Variants in MSRB3 observed in about 807,000 individuals in gnomAD.
MSRB3 encodes the protein methionine-R-sulfoxide reductase B3.
In MSRB3, 13 loss-of-function variants were observed where a neutral mutation model predicts 21.0. The observed-to-expected ratio is 0.62, with a 90% CI of 0.40 to 0.98. The LOEUF is 0.98. Among genes scored for constraint, MSRB3 ranks in the 50% least tolerant of loss-of-function variants. The pLI, the probability that MSRB3 is intolerant of heterozygous loss-of-function variation, is 0.00. For missense variants in MSRB3, 199 were observed against 230.3 expected, an observed-to-expected ratio of 0.86 and a Z score of 0.88; for synonymous variants, 87 against 88.6, an observed-to-expected ratio of 0.98 and a Z score of 0.10.
chr12:65,368,378 T>C (rs1592570979), intron 4 of MSRB3, among the ~76,000 whole-genome samples: 1 of 152,132 alleles, frequency 6.6e-6, no homozygotes, highest in South Asian at 2.1e-4. Context: ...AGTCATAGGG[T>C]TAATTCTGCT....
chr12:65,409,184 GTGTATA>G (rs2136620502), intron 5 of MSRB3, among the ~76,000 whole-genome samples: 1 of 151,578 alleles, frequency 6.6e-6, no homozygotes, highest in East Asian at 1.9e-4. Flanking sequence ...GTGTTTGTGT[GTGTATA>G]TACACACACA....
At chr12:65,332,836 C>A (rs1875519796) in intron 4 of MSRB3, among the ~76,000 whole-genome samples, 1 of 152,192 alleles carries the variant, frequency 6.6e-6, no homozygotes, top group Non-Finnish European at 1.5e-5. Flanking sequence ...CATTTCCTCT[C>A]TGAACAATAT....
intron 5 of MSRB3, among the ~76,000 whole-genome samples, chr12:65,396,032 C>G (rs1235128979): frequency 6.6e-6 from 1 of 151,384 alleles, no homozygotes; most frequent in Non-Finnish European, 1.5e-5. Context: ...TTTTTCTTTT[C>G]TTTTGCTTAC....
chr12:65,450,939 G>A (rs1033191322), intron 5 of MSRB3, among the ~76,000 whole-genome samples: 6 of 152,204 alleles, frequency 3.9e-5, no homozygotes, highest in Admixed American at 1.3e-4. Context: ...ATTACTGGGG[G>A]AAGGTCCTTC....
chr12:65,396,612 A>AC (rs1879794113), intron 5 of MSRB3, among the ~76,000 whole-genome samples: 1 of 151,454 alleles, frequency 6.6e-6, no homozygotes, highest in Non-Finnish European at 1.5e-5. Flanking sequence ...AATCACTTGA[A>AC]CCCGGGAAGC....
intron 5 of MSRB3, among the ~76,000 whole-genome samples, chr12:65,373,907 A>T (rs1400740196): frequency 6.6e-6 from 1 of 152,210 alleles, no homozygotes; most frequent in African/African-American, 2.4e-5. Flanking sequence ...TAAGGAAATC[A>T]AAGAACACAA....
intron 2 of MSRB3, among the ~76,000 whole-genome samples, chr12:65,325,993 C>G (rs1023025516): frequency 6.6e-6 from 1 of 152,144 alleles, no homozygotes; most frequent in Non-Finnish European, 1.5e-5. Context: ...ATTATTTCAC[C>G]ATTCAAATAC....
At chr12:65,364,545 T>C (rs1455850863) in intron 4 of MSRB3, among the ~76,000 whole-genome samples, 1 of 152,226 alleles carries the variant, frequency 6.6e-6, no homozygotes, top group African/African-American at 2.4e-5. Context: ...CCATCTAGCA[T>C]AGTATACTAC....
chr12:65,394,691 A>G (rs1879682473), intron 5 of MSRB3, among the ~76,000 whole-genome samples: 1 of 152,222 alleles, frequency 6.6e-6, no homozygotes, highest in African/African-American at 2.4e-5. Flanking sequence ...AAAATCCTTA[A>G]CAAAATACTA....
chr12:65,382,045 C>T (rs1044227068), intron 5 of MSRB3, among the ~76,000 whole-genome samples: 1 of 152,106 alleles, frequency 6.6e-6, no homozygotes, highest in East Asian at 1.9e-4. Context: ...TAATGTTTTG[C>T]CATTTCCAAC....
At chr12:65,400,260 G>T (rs969662473) in intron 5 of MSRB3, among the ~76,000 whole-genome samples, 15 of 151,292 alleles carry the variant, frequency 9.9e-5, no homozygotes, top group African/African-American at 3.4e-4. Context: ...TGGTTGGTAG[G>T]CTATTAATTA....
At chr12:65,345,325 G>A (rs549548975) in intron 4 of MSRB3, among the ~76,000 whole-genome samples, 40 of 152,136 alleles carry the variant, frequency 2.6e-4, no homozygotes, top group Admixed American at 2.6e-3. Flanking sequence ...TGAAAAAAAT[G>A]AGTGTCATTG....
At chr12:65,431,690 T>G (rs372570024) in intron 5 of MSRB3, among the ~76,000 whole-genome samples, 10 of 152,032 alleles carry the variant, frequency 6.6e-5, no homozygotes, top group African/African-American at 2.2e-4. Flanking sequence ...TCCTGGGAAG[T>G]GAACATGATA....
intron 5 of MSRB3, among the ~76,000 whole-genome samples, chr12:65,396,240 C>G (rs557677530): frequency 1.3e-5 from 2 of 152,198 alleles, no homozygotes; most frequent in Non-Finnish European, 2.9e-5. Flanking sequence ...ACTTCTCTTG[C>G]ATTTTCTTCT....
chr12:65,300,891 A>G (rs1375641470), intron 1 of MSRB3, among the ~76,000 whole-genome samples: 1 of 152,138 alleles, frequency 6.6e-6, no homozygotes, highest in Non-Finnish European at 1.5e-5. Context: ...AATACACATA[A>G]TCATTTCTGC....
chr12:65,380,850 A>G (rs1878902190), intron 5 of MSRB3, among the ~76,000 whole-genome samples: 1 of 152,216 alleles, frequency 6.6e-6, no homozygotes, highest in African/African-American at 2.4e-5. Flanking sequence ...CCGATTCGAG[A>G]GTCTTAACCA....
At chr12:65,395,434 G>T (rs1592596340) in intron 5 of MSRB3, among the ~76,000 whole-genome samples, 1 of 151,694 alleles carries the variant, frequency 6.6e-6, no homozygotes, top group Admixed American at 6.6e-5. Flanking sequence ...CCACTGCACT[G>T]CAGCCTGGGT....
intron 4 of MSRB3, among the ~76,000 whole-genome samples, chr12:65,342,304 A>T (rs1055269839): frequency 6.6e-6 from 1 of 152,000 alleles, no homozygotes; most frequent in African/African-American, 2.4e-5. Context: ...ATTGAGAAAG[A>T]CAAACCTCAG....
chr12:65,460,224 T>TG (rs1883260044), intron 6 of MSRB3, among the ~76,000 whole-genome samples: 1 of 152,220 alleles, frequency 6.6e-6, no homozygotes, highest in South Asian at 2.1e-4. Context: ...GGCTGGGGCC[T>TG]GGGAGGCAGA....
Sources: allele counts gnomAD v4.1 joint callset (sites outside exome capture counted in the v4.1 genomes callset), GRCh38; gene constraint gnomAD v4.1.1; transcripts MANE v1.5; gene names NCBI Gene and HGNC (gene_info 2026-07-23, HGNC 2026-07-21).